The following SGCD variants were observed in gnomAD, a reference collection of about 807,000 sequenced individuals.
The protein encoded by SGCD is delta-sarcoglycan.
SGCD carries 18 observed loss-of-function variants against 36.6 expected under a neutral mutation model. The ratio of observed to expected loss-of-function variants is 0.49; its 90% CI spans 0.34 to 0.73. The LOEUF is 0.73. Ranked by LOEUF, SGCD falls within the 30% of genes least tolerant of loss-of-function variation. SGCD has a pLI of 0.01. For missense variants in SGCD, 387 were observed against 346.7 expected, an observed-to-expected ratio of 1.12 and a Z score of -0.92; for synonymous variants, 133 against 130.6, an observed-to-expected ratio of 1.02 and a Z score of -0.12.
chr5:156,470,564 A>T (rs1036337113), intron 3 of SGCD, among the ~76,000 whole-genome samples: 1 of 151,714 alleles, frequency 6.6e-6, no homozygotes, highest in Non-Finnish European at 1.5e-5. Context: ...TCATTGTTCA[A>T]TTCCCACCTA....
At chr5:156,333,629 T>C (rs1015329543) in intron 2 of SGCD, among the ~76,000 whole-genome samples, 1 of 152,048 alleles carries the variant, frequency 6.6e-6, no homozygotes, top group Admixed American at 6.6e-5. Flanking sequence ...AACCACTCTT[T>C]CTCATTGGCT....
intron 3 of SGCD, among the ~76,000 whole-genome samples, chr5:156,150,242 G>A (rs1466581348): frequency 2.0e-5 from 3 of 147,914 alleles, no homozygotes; most frequent in African/African-American, 5.3e-5. Context: ...AGCCTTTGCC[G>A]GTGCTTACTA....
intron 1 of SGCD, among the ~76,000 whole-genome samples, chr5:155,907,865 G>C (rs1561646157): frequency 6.6e-6 from 1 of 152,268 alleles, no homozygotes; most frequent in East Asian, 1.9e-4. Flanking sequence ...TTTGAAAGAA[G>C]TTCTACTGTT....
chr5:156,379,025 G>A (rs1401869275), intron 3 of SGCD, among the ~76,000 whole-genome samples: 1 of 151,980 alleles, frequency 6.6e-6, no homozygotes, highest in Admixed American at 6.6e-5. Context: ...ATCTACTTAT[G>A]TACTCACAAA....
At position 156,504,392 on chromosome 5, in the gene SGCD, G is replaced by GTATATA. The variant is rs59580975; in HGVS notation, c.193-4181_193-4176dup. 7.7e-3 allele frequency among the ~76,000 whole-genome samples: 581 copies of GTATATA among 75,006 alleles called. 5 individuals are homozygous for GTATATA. The Middle Eastern group carries it at 0.086, about 11-fold the overall frequency. The allele number at this position is 75,006 out of a possible 152,430, so 49.2% of individuals were successfully genotyped here. A position where few individuals can be genotyped will look rare whatever the true frequency, so the allele number is the denominator to read the frequency against. ...CATGAGTATATGTGGGTGTGTGTGT[G>GTATATA]TATATATATATATATATATATATAT... On this transcript the variant is annotated intron_variant, in intron 3 of 8. Transcript: ENST00000337851.
At chr5:156,301,031 T>A (rs1767039715) in intron 3 of SGCD, among the ~76,000 whole-genome samples, 1 of 151,932 alleles carries the variant, frequency 6.6e-6, no homozygotes, top group Admixed American at 6.6e-5. Flanking sequence ...GTAGGCAACA[T>A]AAATCTATTT....
At chr5:155,770,400 A>T in the SGCD span, among the ~76,000 whole-genome samples, 1 of 152,134 alleles carries the variant, frequency 6.6e-6, no homozygotes, top group Non-Finnish European at 1.5e-5. Context: ...TTCCAGGAAG[A>T]TGGAATATCG....
chr5:155,949,468 G>A (rs1453419437), intron 1 of SGCD, among the ~76,000 whole-genome samples: 2 of 152,130 alleles, frequency 1.3e-5, no homozygotes, highest in Non-Finnish European at 2.9e-5. Flanking sequence ...CTACCTATGA[G>A]ACAACGAGGT....
At chr5:156,624,717 C>A (rs1356200219) in intron 6 of SGCD, among the ~76,000 whole-genome samples, 1 of 151,864 alleles carries the variant, frequency 6.6e-6, no homozygotes, top group Non-Finnish European at 1.5e-5. Flanking sequence ...GTTGAATTAA[C>A]TTTTTTTTTA....
At chr5:156,156,391 A>G (rs1185110079) in intron 3 of SGCD, among the ~76,000 whole-genome samples, 1 of 151,534 alleles carries the variant, frequency 6.6e-6, no homozygotes, top group Non-Finnish European at 1.5e-5. Flanking sequence ...CATTTTGGGA[A>G]GCTGAGGTGG....
Position 156,594,908 on chromosome 5 carries a change from T to G in SGCD, c.383-24T>G. On this transcript the variant is annotated intron_variant, in intron 5 of 8. Transcript: ENST00000337851. Reference sequence around the variant, plus strand: ...CTCTCTCTCCTCTCTCCTCTCTATCTCTCTATCTCTCTATATCTCTCAGGT... The same window carrying G: ...CTCTCTCTCCTCTCTCCTCTCTATCGCTCTATCTCTCTATATCTCTCAGGT... The G allele has an allele frequency of 2.6e-6, 4 of 1,510,978 alleles. No homozygotes were observed. In the South Asian group the frequency reaches 3.5e-5, roughly 13 times the overall value. 93.6% of individuals were successfully genotyped at this position (1,510,978 alleles called of 1,614,324 possible). A position where few individuals can be genotyped will look rare whatever the true frequency, so the allele number is the denominator to read the frequency against.
upstream of SGCD, among the ~76,000 whole-genome samples, chr5:156,322,677 A>G (rs747163503): frequency 5.3e-5 from 8 of 152,228 alleles, no homozygotes; most frequent in Non-Finnish European, 1.0e-4. Flanking sequence ...TCTAGGAAAC[A>G]GTAATATCTG....
At chr5:155,945,701 C>G (rs1226345766) in intron 1 of SGCD, among the ~76,000 whole-genome samples, 1 of 152,092 alleles carries the variant, frequency 6.6e-6, no homozygotes, top group Admixed American at 6.6e-5. Flanking sequence ...CGAGAAAGAC[C>G]AGTGTTCCTG....
chr5:156,722,197 CT>C (rs1266495382), intron 7 of SGCD, among the ~76,000 whole-genome samples: 1 of 152,146 alleles, frequency 6.6e-6, no homozygotes, highest in Non-Finnish European at 1.5e-5. Context: ...CCCCTTGTCT[CT>C]TTTTTATTAA....
chr5:156,403,825 C>T (rs1772277253), intron 3 of SGCD, among the ~76,000 whole-genome samples: 1 of 142,300 alleles, frequency 7.0e-6, no homozygotes, highest in Non-Finnish European at 1.5e-5. Context: ...CATGATATTC[C>T]CTGACATATT....
chr5:156,127,854 CAAAA>C lies in SGCD; in HGVS notation c.-44+3858_-44+3861del, dbSNP rs56822746. Among the ~76,000 whole-genome samples the C allele has an allele frequency of 4.9e-3, 90 of 18,440 alleles. 1 individual carries two copies. Among genetic ancestry groups the C allele is most frequent in the African/African-American group, 9.5e-3 (46 of 4,824 alleles). 12.1% of individuals were successfully genotyped at this position (18,440 alleles called of 152,430 possible). On this transcript the variant is annotated intron_variant, in intron 3 of 9. Coordinates refer to the SGCD transcript ENST00000517913. ...CAGAGAACAGACTGAAACATAAATG[CAAAA>C]AAAAAAAAAAAAAAAAAAAAAACCC... is the stretch of plus-strand genomic sequence containing the variant.
intron 1 of SGCD, among the ~76,000 whole-genome samples, chr5:155,931,320 G>C (rs75287098): frequency 0.035 from 5,289 of 152,184 alleles, 338 homozygotes; most frequent in African/African-American, 0.12. Flanking sequence ...AGCAACCATT[G>C]AAGTAAGTAT....
intron 1 of SGCD, among the ~76,000 whole-genome samples, chr5:156,045,157 T>C (rs1274761651): frequency 1.3e-5 from 2 of 152,126 alleles, no homozygotes; most frequent in African/African-American, 2.4e-5. Flanking sequence ...CAGACATTTA[T>C]CCATTCCTGA....
chr5:156,196,174 A>G (rs1764021646), intron 3 of SGCD, among the ~76,000 whole-genome samples: 1 of 152,102 alleles, frequency 6.6e-6, no homozygotes, highest in Non-Finnish European at 1.5e-5. Context: ...TGATGTCTCA[A>G]TGTTCCCCTT....
Sources: gnomAD v4.1 joint callset for allele counts (sites outside exome capture counted in the v4.1 genomes callset) on GRCh38, gnomAD v4.1.1 for gene constraint, MANE v1.5 for transcripts, NCBI Gene and HGNC (gene_info 2026-07-23, HGNC 2026-07-21) for gene names.